Variants in LUZP2 observed in about 807,000 individuals in gnomAD.
The protein encoded by LUZP2 is leucine zipper protein 2.
A neutral mutation model predicts 51.6 loss-of-function variants in LUZP2; 52 were observed. That is an observed-to-expected ratio of 1.01 (90% CI 0.81 to 1.27). The LOEUF (loss-of-function observed/expected upper bound fraction) is 1.27, where lower values mean the gene tolerates loss of function less well. LUZP2 is among the 50% of genes most tolerant of loss of function. The pLI is 0.00. For missense variants in LUZP2, 436 were observed against 395.4 expected, an observed-to-expected ratio of 1.10 and a Z score of -0.87; for synonymous variants, 154 against 137.3, an observed-to-expected ratio of 1.12 and a Z score of -0.85.
chr11:24,500,199 G>T (rs914195487), intron 1 of LUZP2, among the ~76,000 whole-genome samples: 3 of 152,044 alleles, frequency 2.0e-5, no homozygotes, highest in Admixed American at 1.3e-4. Flanking sequence ...CAAAAGCCAA[G>T]CATTTTTCTC....
chr11:25,019,600 C>G (rs1857268726), intron 9 of LUZP2, among the ~76,000 whole-genome samples: 1 of 152,100 alleles, frequency 6.6e-6, no homozygotes, highest in Non-Finnish European at 1.5e-5. Context: ...TATGTTTCTT[C>G]ATTTTTATGT....
At chr11:25,003,466 T>C (rs1246196291) in intron 9 of LUZP2, among the ~76,000 whole-genome samples, 2 of 152,152 alleles carry the variant, frequency 1.3e-5, no homozygotes, top group African/African-American at 2.4e-5. Flanking sequence ...GGGGTGGGTA[T>C]AACTGGATAT....
chr11:24,921,360 G>T (rs1257624562), intron 7 of LUZP2, among the ~76,000 whole-genome samples: 1 of 152,044 alleles, frequency 6.6e-6, no homozygotes, highest in Non-Finnish European at 1.5e-5. Flanking sequence ...CAGAAACCTG[G>T]CCCTCCCACC....
At chr11:24,914,585 C>T (rs1853739658) in intron 7 of LUZP2, 47 bp downstream of exon 7, 1 of 1,240,222 alleles carries the variant, frequency 8.1e-7, no homozygotes, top group Admixed American at 2.4e-5. Flanking sequence ...AGCTCAATAC[C>T]TAAAATATCA....
At chr11:24,685,262 G>GAAAA (rs1344732868) in intron 1 of LUZP2, among the ~76,000 whole-genome samples, 1 of 151,816 alleles carries the variant, frequency 6.6e-6, no homozygotes, top group African/African-American at 2.4e-5. Context: ...TTTTTCTTTT[G>GAAAA]AAAAGCACTT....
At chr11:24,753,713 TCTC>T (rs1590454924) in intron 4 of LUZP2, among the ~76,000 whole-genome samples, 1 of 152,294 alleles carries the variant, frequency 6.6e-6, no homozygotes, top group South Asian at 2.1e-4. Context: ...CCCAGGAACT[TCTC>T]TTCTTCTCTT....
intron 5 of LUZP2, among the ~76,000 whole-genome samples, chr11:24,850,331 T>G (rs542088172): frequency 6.6e-6 from 1 of 152,322 alleles, no homozygotes; most frequent in East Asian, 1.9e-4. Context: ...CAGTTTCAGT[T>G]TTCTGCATAT....
chr11:24,772,568 G>A (rs75808896), intron 5 of LUZP2, among the ~76,000 whole-genome samples: 12,208 of 152,156 alleles, frequency 0.08, 1,058 homozygotes, highest in African/African-American at 0.22. Flanking sequence ...TTAGTCAACT[G>A]ATTGTTCTGG....
At chr11:24,907,311 A>AC (rs1287577980) in intron 6 of LUZP2, among the ~76,000 whole-genome samples, 2 of 151,760 alleles carry the variant, frequency 1.3e-5, no homozygotes, top group Non-Finnish European at 2.9e-5. Context: ...AAAAAAAAAA[A>AC]AAAACATTAA....
At chr11:24,560,254 G>C (rs1851995095) in intron 1 of LUZP2, among the ~76,000 whole-genome samples, 1 of 152,134 alleles carries the variant, frequency 6.6e-6, no homozygotes, top group African/African-American at 2.4e-5. Flanking sequence ...AGTTACAATA[G>C]ATGAAAAGGT....
At chr11:24,555,611 C>T (rs1265195208) in intron 1 of LUZP2, among the ~76,000 whole-genome samples, 4 of 152,134 alleles carry the variant, frequency 2.6e-5, no homozygotes, top group Admixed American at 6.5e-5. Flanking sequence ...AGAGACATTG[C>T]ATGAAATAAA....
Position 24,817,962 on chromosome 11 carries a change from G to A in LUZP2, c.396+54654G>A, listed in dbSNP as rs185312980. On this transcript the variant is annotated intron_variant, in intron 5 of 11. Coordinates refer to ENST00000336930, the MANE Select transcript of LUZP2 (RefSeq NM_001009909.4). Reference sequence around the variant, plus strand: ...TATTAGATTTTTATTGCTACGGGAAGGTTACATATGCTTATGAATTAGTTC... The same window carrying A: ...TATTAGATTTTTATTGCTACGGGAAAGTTACATATGCTTATGAATTAGTTC... Among the ~76,000 whole-genome samples, 23 of 152,150 alleles carry A rather than the reference G, an allele frequency of 1.5e-4. No homozygotes were observed. The East Asian group carries it at 4.4e-3, about 29-fold the overall frequency.
At chr11:24,607,738 G>A (rs1051694249) in intron 1 of LUZP2, among the ~76,000 whole-genome samples, 10 of 151,710 alleles carry the variant, frequency 6.6e-5, no homozygotes, top group Middle Eastern at 6.8e-3. Context: ...TTTTCATAGC[G>A]TTGATTCTGT....
chr11:24,711,220 C>A (rs965099923), intron 1 of LUZP2, among the ~76,000 whole-genome samples: 1 of 151,984 alleles, frequency 6.6e-6, no homozygotes, highest in African/African-American at 2.4e-5. Flanking sequence ...GAGGCCAAGG[C>A]GGGCGGATCA....
At chr11:24,963,758 G>T (rs1193218568) in intron 7 of LUZP2, among the ~76,000 whole-genome samples, 3 of 152,092 alleles carry the variant, frequency 2.0e-5, no homozygotes, top group Admixed American at 6.5e-5. Context: ...CTCGTGCACG[G>T]TGCGCTGCAT....
chr11:24,556,955 C>T (rs969578027), intron 1 of LUZP2, among the ~76,000 whole-genome samples: 1 of 152,046 alleles, frequency 6.6e-6, no homozygotes, highest in African/African-American at 2.4e-5. Flanking sequence ...AATCTGTCAC[C>T]CTGCAATGTT....
intron 9 of LUZP2, among the ~76,000 whole-genome samples, chr11:25,020,297 G>T (rs1857295399): frequency 1.3e-5 from 2 of 151,834 alleles, no homozygotes; most frequent in South Asian, 2.1e-4. Flanking sequence ...TTTTTAATAA[G>T]AAATGTCTAA....
chr11:25,071,443 G>A (rs753754090), intron 10 of LUZP2, among the ~76,000 whole-genome samples: 8 of 151,682 alleles, frequency 5.3e-5, no homozygotes, highest in Non-Finnish European at 1.0e-4. Context: ...TTTGTTGATC[G>A]AGTTTAAATA....
chr11:24,774,360 C>G (rs542779584), intron 5 of LUZP2, among the ~76,000 whole-genome samples: 3 of 76,172 alleles, frequency 3.9e-5, no homozygotes, highest in Non-Finnish European at 7.5e-5. Context: ...CTCTCTCTCT[C>G]TCTATATATA....
Sources: allele counts gnomAD v4.1 joint callset (sites outside exome capture counted in the v4.1 genomes callset), GRCh38; gene constraint gnomAD v4.1.1; transcripts MANE v1.5; gene names NCBI Gene and HGNC (gene_info 2026-07-23, HGNC 2026-07-21).